Variants in DOP1A observed in about 807,000 individuals in gnomAD.
The protein encoded by DOP1A is DOP1 leucine zipper like protein A, also known as protein DOP1A.
In DOP1A, 90 loss-of-function variants were observed where a neutral mutation model predicts 267.6. The observed-to-expected ratio is 0.34, with a 90% CI of 0.28 to 0.40. DOP1A has a LOEUF of 0.40. DOP1A is among the 10% of genes least tolerant of loss of function. The pLI is 1.00. For missense variants in DOP1A, 2,437 were observed against 2,900.4 expected, an observed-to-expected ratio of 0.84 and a Z score of 3.67; for synonymous variants, 932 against 999.1, an observed-to-expected ratio of 0.93 and a Z score of 1.27.
intron 29 of DOP1A, 67 bp downstream of exon 29, chr6:83,152,094 G>T: frequency 1.3e-6 from 2 of 1,583,658 alleles, no homozygotes; most frequent in Non-Finnish European, 1.7e-6. Context: ...AAATCATTTT[G>T]CCTAGCACTA....
At chr6:83,135,200 G>A (rs1778692776) in intron 19 of DOP1A, among the ~76,000 whole-genome samples, 1 of 151,970 alleles carries the variant, frequency 6.6e-6, no homozygotes. Flanking sequence ...ATCTTTCCTT[G>A]AATTAAGCAC....
At chr6:83,075,000 G>T (rs942662707) in intron 1 of DOP1A, among the ~76,000 whole-genome samples, 3 of 152,178 alleles carry the variant, frequency 2.0e-5, no homozygotes, top group Non-Finnish European at 4.4e-5. Context: ...CATCCATCCA[G>T]TTACCACCTG....
Position 83,153,601 on chromosome 6 carries a change from C to A in DOP1A, c.6220C>A (p.Pro2074Thr). ...TGTAAATATTATGCATTATGTTGTGCCCTACCTCAGAAATCACAGGTACTA... is the reference window on the plus strand; with the variant it reads ...TGTAAATATTATGCATTATGTTGTGACCTACCTCAGAAATCACAGGTACTA... The part of the protein sequence containing the change: ...LLVNIMHYVV[P>T]YLRNHSAHNA... The change falls in exon 31 of 39, where the codon CCC (proline) becomes ACC (threonine). Residue 2074 changes from proline (P) to threonine (T), a missense_variant. By Grantham distance (38) the Pro-to-Thr change is conservative. Coordinates refer to ENST00000349129, the MANE Select transcript of DOP1A (RefSeq NM_015018.4). 1 of 1,599,736 alleles carries A rather than the reference C, an allele frequency of 6.3e-7. No homozygotes were observed. Among genetic ancestry groups the A allele is most frequent in the African/African-American group, 1.3e-5 (1 of 74,468 alleles).
chr6:83,145,618 A>G lies in DOP1A; in HGVS notation c.5636A>G (p.Lys1879Arg). The G allele has an allele frequency of 1.9e-6, 3 of 1,613,744 alleles. No homozygotes were observed. The African/African-American group carries it at 4.0e-5, about 22-fold the overall frequency. The change falls in exon 25 of 39, where the codon AAA becomes AGA. Residue 1879 changes from lysine (K) to arginine (R), a missense_variant. Physicochemically the swap from Lys to Arg is conservative, Grantham distance 26 (BLOSUM62 2). Around this residue, in one of 9 missense-constraint regions of DOP1A, gnomAD observed 307 missense variants for 308.6 expected, o/e 0.99. Coordinates refer to ENST00000349129, the MANE Select transcript of DOP1A (RefSeq NM_015018.4). ...GCAGAAACTGTTATCCAGACTGTAA[A>G]AGAAGTTTTAAAGCAGCCACCAGCC... ...MRAETVIQTV[K>R]EVLKQPPAIA...
intron 1 of DOP1A, among the ~76,000 whole-genome samples, chr6:83,094,083 TC>T (rs1365658324): frequency 1.3e-5 from 2 of 152,036 alleles, no homozygotes; most frequent in Non-Finnish European, 2.9e-5. Context: ...TTTCCTCTTC[TC>T]CCCCCACTCT....
intron 33 of DOP1A, among the ~76,000 whole-genome samples, chr6:83,155,342 C>T (rs1015188595): frequency 6.6e-6 from 1 of 151,962 alleles, no homozygotes; most frequent in Non-Finnish European, 1.5e-5. Context: ...TGGTATGTAC[C>T]TGTAGTCTCA....
chr6:83,110,504 C>T (rs139043837), intron 6 of DOP1A, among the ~76,000 whole-genome samples, 190 bp downstream of exon 6: 23 of 152,208 alleles, frequency 1.5e-4, no homozygotes, highest in Admixed American at 1.1e-3. Context: ...CTCAAGTGAT[C>T]CTCTCACCTT....
At chr6:83,068,759 A>C (rs1785123226) in intron 1 of DOP1A, among the ~76,000 whole-genome samples, 1 of 152,206 alleles carries the variant, frequency 6.6e-6, no homozygotes, top group African/African-American at 2.4e-5. Context: ...GTGCTAAGTA[A>C]CTCACCACCT....
intron 11 of DOP1A, 74 bp from the exon 12 acceptor site, chr6:83,122,789 C>T: frequency 2.6e-6 from 3 of 1,151,208 alleles, no homozygotes; most frequent in Middle Eastern, 6.0e-4. Context: ...TGTACTGGCA[C>T]TGCACTCAAA....
intron 1 of DOP1A, among the ~76,000 whole-genome samples, chr6:83,095,089 C>T (rs1237610689): frequency 6.6e-6 from 1 of 152,100 alleles, no homozygotes; most frequent in Non-Finnish European, 1.5e-5. Flanking sequence ...TGAGCCACCA[C>T]ACCTGGCTGA....
intron 15 of DOP1A, among the ~76,000 whole-genome samples, chr6:83,128,212 A>G (rs745918451): frequency 1.3e-5 from 2 of 152,192 alleles, no homozygotes; most frequent in African/African-American, 2.4e-5. Context: ...TTTTACTTAA[A>G]CTAAGCCAGA....
chr6:83,117,134 A>ATTTTG (rs1169878140), intron 7 of DOP1A, among the ~76,000 whole-genome samples: 1 of 147,394 alleles, frequency 6.8e-6, no homozygotes, highest in Non-Finnish European at 1.5e-5. Flanking sequence ...ATTTTATTTT[A>ATTTTG]TTTTATTTTA....
At chr6:83,149,920 T>A (rs1008723677) in intron 27 of DOP1A, among the ~76,000 whole-genome samples, 2 of 152,198 alleles carry the variant, frequency 1.3e-5, no homozygotes, top group African/African-American at 4.8e-5. Flanking sequence ...AATAAAAGGC[T>A]ATGTTTGTTG....
At chr6:83,121,907 T>C in intron 10 of DOP1A, 23 bp from the exon 11 acceptor site, 1 of 1,591,048 alleles carries the variant, frequency 6.3e-7, no homozygotes, top group Non-Finnish European at 8.6e-7. Context: ...AATTACTGTC[T>C]TTAATTTGAA....
chr6:83,141,875 T>C lies in DOP1A; in HGVS notation c.5416-46T>C, dbSNP rs1280183125. ...AACGCAGTCTAGTTGTAAATGTTTT[T>C]TCATTTTTTAAAAGTTTCACTTTCA... On this transcript the variant is annotated intron_variant, in intron 23 of 38. Coordinates refer to ENST00000349129, the MANE Select transcript of DOP1A (RefSeq NM_015018.4). 5.1e-6 allele frequency: 8 copies of C among 1,568,616 alleles called. 1 individual carries two copies. The highest frequency in any genetic ancestry group is 6.0e-6 in the Non-Finnish European group (7 of 1,163,848).
At chr6:83,143,288 T>C (rs1779942474) in intron 24 of DOP1A, among the ~76,000 whole-genome samples, 1 of 152,166 alleles carries the variant, frequency 6.6e-6, no homozygotes, top group Non-Finnish European at 1.5e-5. Flanking sequence ...TGTAGACCTA[T>C]CTACTCAGGA....
intron 25 of DOP1A, 50 bp from the exon 26 acceptor site, chr6:83,147,186 G>C: frequency 1.0e-6 from 1 of 969,258 alleles, no homozygotes; most frequent in South Asian, 1.8e-5. Context: ...CAATGAAAAA[G>C]CAAAGGCAGT....
intron 37 of DOP1A, among the ~76,000 whole-genome samples, chr6:83,161,983 T>C (rs1784342634): frequency 6.6e-6 from 1 of 152,156 alleles, no homozygotes; most frequent in Admixed American, 6.6e-5. Flanking sequence ...AAGTTTTATA[T>C]GATGCAGAAT....
chr6:83,124,567 A>G, intron 12 of DOP1A, 138 bp from the exon 13 acceptor site: 1 of 695,996 alleles, frequency 1.4e-6, no homozygotes, highest in Non-Finnish European at 2.5e-6. Context: ...GCCTGGGGGA[A>G]ATAAAATATG....
Sources: gnomAD v4.1 joint callset for allele counts (sites outside exome capture counted in the v4.1 genomes callset) on GRCh38, gnomAD v4.1.1 for gene constraint, gnomAD v4.1.1 regional missense constraint, MANE v1.5 for transcripts, NCBI Gene and HGNC (gene_info 2026-07-23, HGNC 2026-07-21) for gene names.